The following SCAF11 variants were observed in gnomAD, a reference collection of about 807,000 sequenced individuals.
SCAF11 encodes the protein SR-related CTD associated factor 11.
In SCAF11, 47 loss-of-function variants were observed where a neutral mutation model predicts 140.5. The observed-to-expected ratio is 0.33, with a 90% CI of 0.26 to 0.43. SCAF11 has a LOEUF of 0.43. Ranked by LOEUF, SCAF11 falls within the 20% of genes least tolerant of loss-of-function variation. The pLI, the probability that SCAF11 is intolerant of heterozygous loss-of-function variation, is 1.00. For missense variants in SCAF11, 1,645 were observed against 1,705.1 expected (o/e 0.96, Z 0.62); for synonymous variants, 557 against 579.4 (o/e 0.96, Z 0.55).
chr12:45,972,963 T>TAGATATATAGATATATATATAG lies in SCAF11; in HGVS notation c.-21-8776_-21-8775insCTATATATATATCTATATATCT, dbSNP rs1451649552. ...AGATATATATATAGATATATAGATATATATATAGATATATAGATATATAGA... is the reference window on the plus strand; with the variant it reads ...AGATATATATATAGATATATAGATATAGATATATAGATATATATATAGATATATAGATATATAGATATATAGA... On this transcript the variant is annotated intron_variant, in intron 1 of 14. Coordinates refer to ENST00000369367, the MANE Select transcript of SCAF11 (RefSeq NM_004719.3). 3.4e-4 allele frequency among the ~76,000 whole-genome samples: 44 copies of TAGATATATAGATATATATATAG among 129,426 alleles called. 1 individual carries two copies. The highest frequency in any genetic ancestry group is 1.3e-3 in the African/African-American group (43 of 33,616). 84.9% of individuals were successfully genotyped at this position (129,426 alleles called of 152,430 possible). A position where few individuals can be genotyped will look rare whatever the true frequency, so the allele number is the denominator to read the frequency against.
rs1466148997 is a variant in SCAF11 at position 45,919,927 on chromosome 12, G to A, written c.*2121C>T. ...GTCACTGAAAGAAAATGCAGGAAAA[G>A]TATGTATTGTGTGATTAATCAGCTT... is the stretch of plus-strand genomic sequence containing the variant. On this transcript the variant is annotated 3_prime_UTR_variant, in exon 15 of 15. Transcript: ENST00000369367. The A allele has an allele frequency of 6.6e-6, 1 of 152,206 alleles. No homozygotes were observed. 9.4% of individuals were successfully genotyped at this position (152,206 alleles called of 1,614,324 possible). A position where few individuals can be genotyped will look rare whatever the true frequency, so the allele number is the denominator to read the frequency against.
In SCAF11 at chr12:45,990,372, G is replaced by GC; in HGVS notation, c.-42dup. 8.1e-7 allele frequency: 1 copy of GC among 1,232,060 alleles called. No homozygotes were observed. Among genetic ancestry groups the GC allele is most frequent in the Non-Finnish European group, 1.0e-6 (1 of 988,256 alleles). The allele number at this position is 1,232,060 out of a possible 1,614,324, so 76.3% of individuals were successfully genotyped here. On this transcript the variant is annotated 5_prime_UTR_variant, in exon 1 of 15. Transcript: ENST00000369367. Reference sequence around the variant, plus strand: ...GTTTACCTCAGACCGAGGTCGAGGCGCTCGGTCCGGCCGCGGCCCCACAGT... The same window carrying GC: ...GTTTACCTCAGACCGAGGTCGAGGCGCCTCGGTCCGGCCGCGGCCCCACAGT...
intron 8 of SCAF11, 83 bp downstream of exon 8, chr12:45,934,093 C>A: frequency 1.3e-6 from 1 of 790,716 alleles, no homozygotes. Flanking sequence ...TTTATTGGGC[C>A]CAGAGTTTAA....
chr12:45,929,075 G>T, intron 10 of SCAF11: 1 of 322,516 alleles, frequency 3.1e-6, no homozygotes, highest in African/African-American at 2.2e-5. Flanking sequence ...ACTAGATTTG[G>T]TCCAAATGGG....
intron 1 of SCAF11, among the ~76,000 whole-genome samples, chr12:45,971,989 T>G (rs1307143979): frequency 6.6e-6 from 1 of 151,948 alleles, no homozygotes; most frequent in East Asian, 1.9e-4. Context: ...GAAAATACCA[T>G]GGATATAACA....
Position 45,928,024 on chromosome 12 carries a change from T to C in SCAF11, c.1677A>G (p.Lys559=). ...DFPTCLTSES[K]VYQPVSCPLS... ...GGGGACAAGATACAGGTTGGTACAC[T>C]TTGCTTTCAGATGTTAAACATGTAG... The change falls in exon 11 of 15, where the codon AAA becomes AAG. Residue 559 remains lysine (K), a synonymous_variant. Transcript: ENST00000369367. The C allele has an allele frequency of 6.2e-7, 1 of 1,613,426 alleles. No homozygotes were observed. The highest frequency in any genetic ancestry group is 8.5e-7 in the Non-Finnish European group (1 of 1,180,010).
At chr12:45,936,711 CCT>C (rs917092650) in intron 6 of SCAF11, among the ~76,000 whole-genome samples, 1 of 152,126 alleles carries the variant, frequency 6.6e-6, no homozygotes, top group African/African-American at 2.4e-5. Context: ...TCCCAATAAT[CCT>C]CTTTGTCCTG....
At chr12:45,923,261 G>C (rs942150234) in intron 12 of SCAF11, 107 bp from the exon 13 acceptor site, 2 of 868,834 alleles carry the variant, frequency 2.3e-6, no homozygotes, top group Non-Finnish European at 3.5e-6. Flanking sequence ...ACCAACCTTA[G>C]TACTAAAGAA....
intron 6 of SCAF11, among the ~76,000 whole-genome samples, chr12:45,940,868 T>C (rs1240269262): frequency 6.6e-6 from 1 of 152,178 alleles, no homozygotes; most frequent in East Asian, 1.9e-4. Context: ...AGTGGCATGA[T>C]CATGACTCAC....
chr12:45,966,634 G>T (rs75091769), intron 1 of SCAF11, among the ~76,000 whole-genome samples: 1 of 151,940 alleles, frequency 6.6e-6, no homozygotes, highest in African/African-American at 2.4e-5. Flanking sequence ...AAGCAGCAAG[G>T]GAGACAGTTA....
At position 45,922,576 on chromosome 12, in the gene SCAF11, G is replaced by T; in HGVS notation, c.4132C>A (p.Gln1378Lys). The change falls in exon 14 of 15, where the codon CAA becomes AAA. Residue 1378 changes from glutamine to lysine, a missense_variant. Physicochemically the swap from Gln to Lys is moderately conservative, Grantham distance 53 (BLOSUM62 1). Coordinates refer to ENST00000369367, the MANE Select transcript of SCAF11 (RefSeq NM_004719.3). Reference protein sequence around the residue: ...ADSSKTDKKLQIQEKAAQEVK... With the variant: ...ADSSKTDKKLKIQEKAAQEVK... ...TCTTGTGCTGCTTTTTCTTGAATTT[G>T]CAATTTCTGATGAGAAGAAAATGTA... 1 of 1,587,800 alleles carries T rather than the reference G, an allele frequency of 6.3e-7. No individual in the cohort carries two copies. Among genetic ancestry groups the T allele is most frequent in the Non-Finnish European group, 8.5e-7 (1 of 1,174,236 alleles).
At chr12:45,973,667 T>C (rs1565690087) in intron 1 of SCAF11, among the ~76,000 whole-genome samples, 2 of 152,190 alleles carry the variant, frequency 1.3e-5, no homozygotes, top group East Asian at 3.9e-4. Context: ...TCAGAAACCA[T>C]GCAAGTCAGA....
At position 45,961,823 on chromosome 12, in the gene SCAF11, A is replaced by T; in HGVS notation, c.96T>A (p.Gly32=). The T allele has an allele frequency of 6.2e-7, 1 of 1,609,060 alleles. No homozygotes were observed. The highest frequency in any genetic ancestry group is 8.5e-7 in the Non-Finnish European group (1 of 1,177,988). ...ATCTGTCAGCCTCACTGTACAACAG[A>T]CCAGTGGAAATAGTATTATCTCCGT... is the stretch of plus-strand genomic sequence containing the variant. The part of the protein sequence containing the change: ...EENGDNTIST[G]LLYSEADRCP... The change falls in exon 3 of 15, where the codon GGT becomes GGA. Residue 32 remains glycine, a synonymous_variant. Coordinates refer to ENST00000369367, the MANE Select transcript of SCAF11 (RefSeq NM_004719.3).
chr12:45,957,246 T>C (rs1010671967), intron 3 of SCAF11, among the ~76,000 whole-genome samples: 18 of 152,076 alleles, frequency 1.2e-4, no homozygotes, highest in Admixed American at 1.1e-3. Flanking sequence ...TGAGGAAAAA[T>C]TGATTGAAAA....
At chr12:45,961,941 C>T (rs1945843842) in intron 2 of SCAF11, 84 bp from the exon 3 acceptor site, 2 of 998,466 alleles carry the variant, frequency 2.0e-6, no homozygotes, top group African/African-American at 3.3e-5. Flanking sequence ...GGATTAGATA[C>T]TCTAAAGGAC....
At chr12:45,968,010 T>C (rs571456214) in intron 1 of SCAF11, among the ~76,000 whole-genome samples, 5 of 152,360 alleles carry the variant, frequency 3.3e-5, no homozygotes, top group East Asian at 3.9e-4. Context: ...TTGTGGTCAA[T>C]AGCCCTAAGA....
At position 45,920,046 on chromosome 12, in the gene SCAF11, ACT is replaced by A. The variant is rs1192783365; in HGVS notation, c.*2000_*2001del. The A allele has an allele frequency of 6.6e-6, 1 of 152,216 alleles. No homozygotes were observed. The highest frequency in any genetic ancestry group is 2.4e-5 in the African/African-American group (1 of 41,466). The allele number at this position is 152,216 out of a possible 1,614,324, so 9.4% of individuals were successfully genotyped here. ...GAGGTGTGCCTTGATATTCTGAAAC[ACT>A]GTCTTAATACTTTATTAGAAGAAAT... On this transcript the variant is annotated 3_prime_UTR_variant, in exon 15 of 15. Transcript: ENST00000369367.
chr12:45,986,846 T>C (rs1166694813), intron 1 of SCAF11, among the ~76,000 whole-genome samples: 1 of 152,174 alleles, frequency 6.6e-6, no homozygotes, highest in African/African-American at 2.4e-5. Flanking sequence ...AACCACTATG[T>C]AAGAAGTGCC....
Position 45,928,218 on chromosome 12 carries a change from G to GT in SCAF11, c.1482dup (p.Leu495ThrfsTer9). 6.2e-7 allele frequency: 1 copy of GT among 1,613,978 alleles called. No individual in the cohort carries two copies. On this transcript the variant is annotated frameshift_variant, in exon 11 of 15. Coordinates refer to ENST00000369367, the MANE Select transcript of SCAF11 (RefSeq NM_004719.3). LOFTEE classifies it high-confidence loss of function. ...TTAGCCTCTATACCTGTATTCTCGAGTTTTTTAACTTCCCCTTCCTCACCA... is the reference window on the plus strand; with the variant it reads ...TTAGCCTCTATACCTGTATTCTCGAGTTTTTTTAACTTCCCCTTCCTCACCA...
Sources: allele counts gnomAD v4.1 joint callset (sites outside exome capture counted in the v4.1 genomes callset), GRCh38; gene constraint gnomAD v4.1.1; transcripts MANE v1.5; gene names NCBI Gene and HGNC (gene_info 2026-07-23, HGNC 2026-07-21).